The following RAP1GDS1 variants were observed in gnomAD, a reference collection of about 807,000 sequenced individuals.
RAP1GDS1 encodes the protein Rap1 GTPase-GDP dissociation stimulator 1.
A neutral mutation model predicts 71.1 loss-of-function variants in RAP1GDS1; 35 were observed. That is an observed-to-expected ratio of 0.49 (90% confidence interval 0.38 to 0.65). RAP1GDS1 has a LOEUF of 0.65. Among genes scored for constraint, RAP1GDS1 ranks in the 30% least tolerant of loss-of-function variants. RAP1GDS1 has a pLI of 0.00. For synonymous variants in RAP1GDS1, 229 were observed against 243.1 expected (o/e 0.94, Z 0.54); for missense variants, 663 against 706.1 (o/e 0.94, Z 0.69).
rs947337606 is a variant in RAP1GDS1, at chr4:98,356,056, C to G, written c.361+3455C>G. 2.6e-5 allele frequency among the ~76,000 whole-genome samples: 4 copies of G among 152,134 alleles called. No individual in the cohort carries two copies. In the East Asian group the frequency reaches 7.7e-4, roughly 29 times the overall value. On this transcript the variant is annotated intron_variant, in intron 4 of 14. Transcript: ENST00000408927. ...CTGATATAAGCAATATTTTAAAATG[C>G]TTCTGCCCTTTAACTTTGCCAAAAT...
intron 7 of RAP1GDS1, among the ~76,000 whole-genome samples, chr4:98,408,108 T>A (rs538894456): frequency 0.015 from 2,325 of 150,740 alleles, 40 homozygotes; most frequent in African/African-American, 0.04. Context: ...ATATATATTT[T>A]TTTTTTTCCC....
intron 2 of RAP1GDS1, among the ~76,000 whole-genome samples, chr4:98,333,120 T>C (rs1734227264): frequency 6.6e-6 from 1 of 152,104 alleles, no homozygotes; most frequent in Non-Finnish European, 1.5e-5. Flanking sequence ...ATACCTGTAA[T>C]TTTTTTAATA....
At chr4:98,308,295 CACTATATATATA>C (rs1729666024) in intron 2 of RAP1GDS1, among the ~76,000 whole-genome samples, 1 of 72,148 alleles carries the variant, frequency 1.4e-5, no homozygotes, top group African/African-American at 6.0e-5. Context: ...TACACACACA[CACTATATATATA>C]TATATATATA....
At chr4:98,329,585 C>T (rs770529220) in intron 2 of RAP1GDS1, among the ~76,000 whole-genome samples, 22 of 151,872 alleles carry the variant, frequency 1.4e-4, no homozygotes, top group African/African-American at 2.7e-4. Context: ...GTCAGAAGTT[C>T]GAGACCAGCC....
chr4:98,360,815 T>C (rs1161522612), intron 4 of RAP1GDS1, among the ~76,000 whole-genome samples: 2 of 152,132 alleles, frequency 1.3e-5, no homozygotes, highest in African/African-American at 2.4e-5. Flanking sequence ...CTCACGCTTG[T>C]AATCCCATCA....
At chr4:98,285,602 T>C (rs1454075300) in intron 1 of RAP1GDS1, among the ~76,000 whole-genome samples, 1 of 151,914 alleles carries the variant, frequency 6.6e-6, no homozygotes, top group African/African-American at 2.4e-5. Context: ...ATGTAAAATA[T>C]TAGCATCATC....
intron 1 of RAP1GDS1, among the ~76,000 whole-genome samples, chr4:98,267,573 G>A (rs779995735): frequency 2.6e-5 from 4 of 152,016 alleles, no homozygotes; most frequent in Admixed American, 1.3e-4. Context: ...CTTAGCTTCC[G>A]CTTATAAATG....
chr4:98,411,499 A>C (rs992319232), intron 7 of RAP1GDS1, among the ~76,000 whole-genome samples: 3 of 152,200 alleles, frequency 2.0e-5, no homozygotes, highest in African/African-American at 4.8e-5. Flanking sequence ...ACACATTTAA[A>C]ATTTCTTAAA....
chr4:98,351,442 A>G (rs1414866160), intron 3 of RAP1GDS1, among the ~76,000 whole-genome samples: 1 of 152,136 alleles, frequency 6.6e-6, no homozygotes, highest in Non-Finnish European at 1.5e-5. Flanking sequence ...GAAGGGAAAG[A>G]GAGGGAGGAT....
intron 2 of RAP1GDS1, among the ~76,000 whole-genome samples, chr4:98,309,097 A>G (rs1409210722): frequency 2.6e-5 from 4 of 152,102 alleles, no homozygotes; most frequent in Admixed American, 6.6e-5. Context: ...ACAGATTCAC[A>G]TATTGAGTGC....
intron 3 of RAP1GDS1, among the ~76,000 whole-genome samples, chr4:98,348,272 A>G (rs953154053): frequency 6.6e-6 from 1 of 152,150 alleles, no homozygotes; most frequent in African/African-American, 2.4e-5. Flanking sequence ...ACCTTCATCC[A>G]TGTCCCTACA....
intron 1 of RAP1GDS1, among the ~76,000 whole-genome samples, chr4:98,261,883 C>G (rs777322198): frequency 1.3e-5 from 2 of 152,112 alleles, no homozygotes; most frequent in South Asian, 2.1e-4. Context: ...GCCTGCCTCG[C>G]GGGCTCGCAT....
Position 98,404,555 on chromosome 4 carries a change from A to G in RAP1GDS1, c.716A>G (p.Asp239Gly). 2 of 1,606,588 alleles carry G rather than the reference A, an allele frequency of 1.2e-6. No homozygotes were observed. Among genetic ancestry groups the G allele is most frequent in the East Asian group, 2.3e-5 (1 of 44,402 alleles). Reference protein sequence around the residue: ...VKLFKKQIEHDKREMIFEVLA... With the variant: ...VKLFKKQIEHGKREMIFEVLA... ...CTCTTCAAGAAACAAATAGAACATGATAAGAGAGAAATGATTTTTGAAGTT... is the reference window on the plus strand; with the variant it reads ...CTCTTCAAGAAACAAATAGAACATGGTAAGAGAGAAATGATTTTTGAAGTT... Residue 239 changes from aspartate to glycine, a missense_variant, in exon 7 of 15, where the codon GAT (aspartate) becomes GGT (glycine). Asp to Gly is a moderately conservative substitution (Grantham distance 94). Transcript: ENST00000408927.
intron 2 of RAP1GDS1, among the ~76,000 whole-genome samples, chr4:98,308,297 C>CTATATATATATATATATATATATATA (rs779815305): frequency 4.1e-5 from 3 of 73,202 alleles, no homozygotes; most frequent in Admixed American, 1.8e-4. Flanking sequence ...CACACACACA[C>CTATATATATATATATATATATATATA]TATATATATA....
intron 7 of RAP1GDS1, among the ~76,000 whole-genome samples, chr4:98,415,968 G>T (rs1459773811): frequency 6.6e-6 from 1 of 152,112 alleles, no homozygotes; most frequent in Non-Finnish European, 1.5e-5. Context: ...CCAGACTGGA[G>T]TGCAGTGGCA....
At chr4:98,288,615 C>G (rs567198204) in intron 1 of RAP1GDS1, among the ~76,000 whole-genome samples, 1 of 152,284 alleles carries the variant, frequency 6.6e-6, no homozygotes, top group African/African-American at 2.4e-5. Flanking sequence ...ACACTGACTT[C>G]CACAATGGTT....
chr4:98,439,984 A>G (rs1751675154), intron 14 of RAP1GDS1, among the ~76,000 whole-genome samples: 1 of 152,196 alleles, frequency 6.6e-6, no homozygotes, highest in South Asian at 2.1e-4. Flanking sequence ...TCATTAACCA[A>G]TAACTCCCCA....
chr4:98,439,603 C>A (rs1048988252), intron 14 of RAP1GDS1, among the ~76,000 whole-genome samples: 8 of 152,074 alleles, frequency 5.3e-5, no homozygotes, highest in Non-Finnish European at 1.5e-5. Flanking sequence ...CTTTTTTACC[C>A]ACAGATTATT....
intron 2 of RAP1GDS1, among the ~76,000 whole-genome samples, chr4:98,338,084 TTGAAG>T (rs1328461948): frequency 4.6e-5 from 7 of 152,002 alleles, no homozygotes; most frequent in Non-Finnish European, 8.8e-5. Context: ...AACTGAGAAC[TTGAAG>T]TAATATGAAT....
Sources: allele counts gnomAD v4.1 joint callset (sites outside exome capture counted in the v4.1 genomes callset), GRCh38; gene constraint gnomAD v4.1.1; transcripts MANE v1.5; gene names NCBI Gene and HGNC (gene_info 2026-07-23, HGNC 2026-07-21).